GBF1: variants seen among roughly 807,000 people sequenced by gnomAD.
GBF1 encodes the protein golgi brefeldin A resistant guanine nucleotide exchange factor 1, also known as Golgi-specific brefeldin A-resistance guanine nucleotide exchange factor 1.
In GBF1, 114 loss-of-function variants were observed where a neutral mutation model predicts 210.5. That is an observed-to-expected ratio of 0.54 (90% CI 0.47 to 0.63). The LOEUF (loss-of-function observed/expected upper bound fraction) is 0.63, where lower values mean the gene tolerates loss of function less well. Ranked by LOEUF, GBF1 falls within the 30% of genes least tolerant of loss-of-function variation. GBF1 has a pLI of 0.00. For missense variants in GBF1, 1,851 were observed against 2,357.7 expected (o/e 0.79, Z 4.45); for synonymous variants, 850 against 889.2 (o/e 0.96, Z 0.78).
rs146333262 is a variant in GBF1 at position 102,366,097 on chromosome 10, G to A, written c.2310-286G>A. 1.1e-3 allele frequency among the ~76,000 whole-genome samples: 166 copies of A among 152,244 alleles called. 1 individual carries two copies. Among genetic ancestry groups the A allele is most frequent in the African/African-American group, 3.9e-3 (160 of 41,534 alleles). On this transcript the variant is annotated intron_variant, in intron 18 of 39. Transcript: ENST00000369983. The surrounding 1 kb of genome is among the most constrained non-coding windows in gnomAD (Gnocchi z 4.0). ...CATTTATATCTATTGGACCTGAAAG[G>A]GACTCCAACGAGATAGTTTGGGGAG...
At chr10:102,359,217 G>T in intron 10 of GBF1, 50 bp from the exon 11 acceptor site, 1 of 1,334,074 alleles carries the variant, frequency 7.5e-7, no homozygotes, top group Non-Finnish European at 1.1e-6. Flanking sequence ...TAAGTTCCAA[G>T]TTGCTCTTGC....
At position 102,365,602 on chromosome 10, in the gene GBF1, G is replaced by A. The variant is rs1473055137; in HGVS notation, c.2309+3G>A. On this transcript the variant is annotated splice_donor_region_variant and intron_variant, in intron 18 of 39. Transcript: ENST00000369983. ...GACCTGTTGGAGAGCTTTGTGAGGTGAGGAAGCTGTAAGAAATGTGGGATA... is the reference window on the plus strand; with the variant it reads ...GACCTGTTGGAGAGCTTTGTGAGGTAAGGAAGCTGTAAGAAATGTGGGATA... 1 of 1,612,744 alleles carries A rather than the reference G, an allele frequency of 6.2e-7. No individual in the cohort carries two copies. The highest frequency in any genetic ancestry group is 2.2e-5 in the East Asian group (1 of 44,884).
At position 102,259,051 on chromosome 10, in the gene GBF1, T is replaced by A; in HGVS notation, c.96+17T>A. On this transcript the variant is annotated intron_variant, in intron 2 of 39. Transcript: ENST00000369983. Reference sequence around the variant, plus strand: ...ACACCACTGGTAAGTGGGAAATGGATAAATAGCCTGGTCACTAAGTTTTTA... The same window carrying A: ...ACACCACTGGTAAGTGGGAAATGGAAAAATAGCCTGGTCACTAAGTTTTTA... 7.6e-7 allele frequency: 1 copy of A among 1,319,538 alleles called. No homozygotes were observed. Among genetic ancestry groups the A allele is most frequent in the Non-Finnish European group, 1.1e-6 (1 of 911,130 alleles). 81.7% of individuals were successfully genotyped at this position (1,319,538 alleles called of 1,614,324 possible). A position where few individuals can be genotyped will look rare whatever the true frequency, so the allele number is the denominator to read the frequency against.
chr10:102,285,974 A>T (rs527891142), intron 3 of GBF1, among the ~76,000 whole-genome samples: 5 of 150,922 alleles, frequency 3.3e-5, no homozygotes, highest in African/African-American at 1.2e-4. Flanking sequence ...TGGTTGCTTT[A>T]AAAAAAAAGG....
At chr10:102,248,144 G>T (rs1428670334) in intron 1 of GBF1, among the ~76,000 whole-genome samples, 1 of 152,162 alleles carries the variant, frequency 6.6e-6, no homozygotes, top group African/African-American at 2.4e-5. Context: ...CTGTGGCTCT[G>T]TGTGACTGAT....
At chr10:102,368,880 C>A (rs759177442) in intron 23 of GBF1, 48 bp downstream of exon 23, 1 of 1,269,696 alleles carries the variant, frequency 7.9e-7, no homozygotes, top group Middle Eastern at 1.9e-4. Context: ...AGGAGGACCT[C>A]TCTTTTAGCC....
At chr10:102,269,921 G>T (rs916425929) in intron 3 of GBF1, among the ~76,000 whole-genome samples, 1 of 147,426 alleles carries the variant, frequency 6.8e-6, no homozygotes, top group Admixed American at 6.9e-5. Context: ...CTCTGTCACC[G>T]CGGCTAGAGT....
At chr10:102,349,940 C>G (rs1047500606) in intron 4 of GBF1, among the ~76,000 whole-genome samples, 7 of 152,174 alleles carry the variant, frequency 4.6e-5, no homozygotes, top group African/African-American at 1.7e-4. Context: ...GCCTACCCCC[C>G]AGCTAGTCAG....
rs1412740583 is a variant in GBF1, at chr10:102,361,036, G to A, written c.1407G>A (p.Glu469=). ...CTCATCTCCAGCTACTCAGCATAGA[G>A]CGACTAAACCTTTATGCTGCTTCCC... ...CRHLFQLLSI[E]RLNLYAASLR... Residue 469 remains glutamate (E), a synonymous_variant, in exon 13 of 40, where the codon GAG becomes GAA. Coordinates refer to ENST00000369983, the MANE Select transcript of GBF1 (RefSeq NM_001377137.1). The A allele has an allele frequency of 1.3e-6, 2 of 1,577,522 alleles. No individual in the cohort carries two copies. The highest frequency in any genetic ancestry group is 1.3e-5 in the African/African-American group (1 of 74,110).
At chr10:102,321,074 G>T (rs1022572255) in intron 3 of GBF1, among the ~76,000 whole-genome samples, 2 of 152,086 alleles carry the variant, frequency 1.3e-5, no homozygotes, top group African/African-American at 4.8e-5. Flanking sequence ...GGGATTACAG[G>T]CATAAGCCAC....
chr10:102,382,056 A>T lies in GBF1; in HGVS notation c.5303A>T (p.Asp1768Val). 1 of 1,535,872 alleles carries T rather than the reference A, an allele frequency of 6.5e-7. No individual in the cohort carries two copies. The highest frequency in any genetic ancestry group is 8.7e-7 in the Non-Finnish European group (1 of 1,143,428). Residue 1768 changes from aspartate to valine, a missense_variant and splice_region_variant, in exon 40 of 40, where the codon GAC becomes GTC. This residue lies in a region of GBF1 where 967 missense variants were observed against 1,247.7 expected (regional missense o/e 0.78). Transcript: ENST00000369983. ...TGTAACCACCTTGCTTTCCCTACAG[A>T]CTTTGAGAAGCCCGAGAGCCCCCGA... ...PEIPSELGAC[D>V]FEKPESPRAA... is the part of the protein sequence containing the mutation.
At chr10:102,271,025 TTTTA>T (rs1411011261) in intron 3 of GBF1, among the ~76,000 whole-genome samples, 1 of 151,232 alleles carries the variant, frequency 6.6e-6, no homozygotes, top group Non-Finnish European at 1.5e-5. Context: ...TTTTATTTTA[TTTTA>T]TTTTATTATT....
chr10:102,353,719 G>C, intron 8 of GBF1, 65 bp downstream of exon 8: 1 of 1,166,756 alleles, frequency 8.6e-7, no homozygotes, highest in Non-Finnish European at 1.3e-6. Context: ...TCAGTGCCTT[G>C]GGGTAACCTT....
At chr10:102,231,571 G>C in the GBF1 span, 4 of 1,535,786 alleles carry the variant, frequency 2.6e-6, no homozygotes, top group Non-Finnish European at 3.6e-6. Flanking sequence ...TGCGAGTCGC[G>C]GGTCTGGAGA....
chr10:102,351,787 C>A, intron 5 of GBF1, 56 bp from the exon 6 acceptor site: 1 of 999,636 alleles, frequency 1.0e-6, no homozygotes. Flanking sequence ...CTCTCTTACC[C>A]TTGAGTACCT....
At chr10:102,259,192 A>C (rs2072867714) in intron 2 of GBF1, among the ~76,000 whole-genome samples, 158 bp downstream of exon 2, 2 of 152,300 alleles carry the variant, frequency 1.3e-5, no homozygotes, top group Non-Finnish European at 2.9e-5. Flanking sequence ...CTAGCATCAG[A>C]TATATAGGCT....
chr10:102,268,990 G>A (rs912095129), intron 3 of GBF1, among the ~76,000 whole-genome samples: 3 of 152,184 alleles, frequency 2.0e-5, no homozygotes, highest in Non-Finnish European at 4.4e-5. Context: ...TTTACTCTAG[G>A]AAACCAGGAG....
intron 3 of GBF1, among the ~76,000 whole-genome samples, chr10:102,325,156 A>G (rs2056782668): frequency 6.6e-6 from 1 of 152,128 alleles, no homozygotes; most frequent in Non-Finnish European, 1.5e-5. Flanking sequence ...TTCTCCCCGA[A>G]TCTAATTCCC....
intron 3 of GBF1, among the ~76,000 whole-genome samples, chr10:102,266,675 T>TA (rs1419322418): frequency 1.3e-5 from 2 of 152,220 alleles, no homozygotes; most frequent in African/African-American, 2.4e-5. Flanking sequence ...GTAAAAACAA[T>TA]AGCTCATATT....
Sources: allele counts gnomAD v4.1 joint callset (sites outside exome capture counted in the v4.1 genomes callset), GRCh38; gene constraint gnomAD v4.1.1; regional missense constraint gnomAD v4.1.1; non-coding constraint Gnocchi (gnomAD v3.1); transcripts MANE v1.5; gene names NCBI Gene and HGNC (gene_info 2026-07-23, HGNC 2026-07-21).